Variants in RIN2 observed in about 807,000 individuals in gnomAD.
The protein encoded by RIN2 is Ras and Rab interactor 2.
A neutral mutation model predicts 78.0 loss-of-function variants in RIN2; 36 were observed. The ratio of observed to expected loss-of-function variants is 0.46; its 90% CI spans 0.35 to 0.61. RIN2 has a LOEUF of 0.61. Ranked by LOEUF, RIN2 falls within the 20% of genes least tolerant of loss-of-function variation. The probability of loss-of-function intolerance (pLI) is 0.00; values close to 1 mark genes in which losing one functional copy is unlikely to be tolerated. For missense variants in RIN2, 1,087 were observed against 1,159.7 expected (o/e 0.94, Z 0.91); for synonymous variants, 466 against 466.8 (o/e 1.00, Z 0.02).
chr20:19,945,057 G>T (rs1488794332), intron 4 of RIN2, among the ~76,000 whole-genome samples: 1 of 152,144 alleles, frequency 6.6e-6, no homozygotes, highest in Non-Finnish European at 1.5e-5. Flanking sequence ...TTCTTTTCAG[G>T]TTCTGTTTAT....
intron 2 of RIN2, among the ~76,000 whole-genome samples, chr20:19,877,552 G>A (rs2037895196): frequency 6.6e-6 from 1 of 152,192 alleles, no homozygotes; most frequent in African/African-American, 2.4e-5. Flanking sequence ...TCAGGAGAGA[G>A]TCTGACCTCT....
chr20:19,838,845 C>T (rs1194319419), intron 2 of RIN2, among the ~76,000 whole-genome samples: 1 of 152,126 alleles, frequency 6.6e-6, no homozygotes, highest in East Asian at 1.9e-4. Context: ...CTGAGGGTAC[C>T]ACCGCCTCCC....
intron 1 of RIN2, among the ~76,000 whole-genome samples, chr20:19,779,145 T>G (rs1048664839): frequency 2.6e-5 from 4 of 152,188 alleles, no homozygotes; most frequent in African/African-American, 9.7e-5. Context: ...CCATATTCCT[T>G]GCAATTCCAG....
At chr20:19,842,825 C>T (rs545214693) in intron 2 of RIN2, among the ~76,000 whole-genome samples, 19 of 151,624 alleles carry the variant, frequency 1.3e-4, no homozygotes, top group South Asian at 4.2e-4. Context: ...GTAGTGATTC[C>T]TCTGATGGAT....
chr20:19,936,785 C>CT (rs1600863826), intron 4 of RIN2, among the ~76,000 whole-genome samples: 1 of 152,164 alleles, frequency 6.6e-6, no homozygotes, highest in South Asian at 2.1e-4. Flanking sequence ...CCACAACAGC[C>CT]TTTTTTCCCA....
In RIN2 at chr20:19,855,106, G is replaced by A. The variant is rs529391910; in HGVS notation, c.-36-34460G>A. ...TTGGCATGAAGGGCTGTTGAATTTC[G>A]TCAAAGGCCTTTTCTGCATCTATTG... On this transcript the variant is annotated intron_variant, in intron 2 of 12. Transcript: ENST00000255006. 4.1e-4 allele frequency among the ~76,000 whole-genome samples: 63 copies of A among 152,214 alleles called. 1 individual carries two copies. The South Asian group carries it at 0.011, about 27-fold the overall frequency.
intron 1 of RIN2, among the ~76,000 whole-genome samples, chr20:19,761,343 C>T (rs1383209154): frequency 1.3e-5 from 2 of 152,184 alleles, no homozygotes; most frequent in Non-Finnish European, 2.9e-5. Flanking sequence ...TGCAGTTTTG[C>T]TAAACAATCA....
At position 19,791,813 on chromosome 20, in the gene RIN2, C is replaced by G. The variant is rs1350251122; in HGVS notation, c.-162-7809C>G. ...CATGCAAACTCAGCACTGGGGTTGTCTTAGTGCAACTAGCAAGGCTTTCTT... is the reference window on the plus strand; with the variant it reads ...CATGCAAACTCAGCACTGGGGTTGTGTTAGTGCAACTAGCAAGGCTTTCTT... On this transcript the variant is annotated intron_variant, in intron 1 of 12. Transcript: ENST00000255006. 2.0e-5 allele frequency among the ~76,000 whole-genome samples: 3 copies of G among 152,254 alleles called. No individual in the cohort carries two copies. In the South Asian group the frequency reaches 6.2e-4, roughly 32 times the overall value.
intron 2 of RIN2, among the ~76,000 whole-genome samples, chr20:19,825,201 T>A (rs983654937): frequency 1.3e-5 from 2 of 152,208 alleles, no homozygotes; most frequent in Non-Finnish European, 2.9e-5. Flanking sequence ...ATATGCCTTG[T>A]GCATCCCAAT....
intron 2 of RIN2, among the ~76,000 whole-genome samples, chr20:19,827,359 A>C (rs1262656063): frequency 1.3e-5 from 2 of 152,216 alleles, no homozygotes; most frequent in Non-Finnish European, 2.9e-5. Flanking sequence ...GGGAAACCCA[A>C]ACTGGACCCT....
chr20:19,783,947 C>A, intron 1 of RIN2, among the ~76,000 whole-genome samples: 1 of 152,158 alleles, frequency 6.6e-6, no homozygotes, highest in Admixed American at 6.5e-5. Context: ...TGTGTGGAGT[C>A]CAGCAGGCTG....
chr20:19,781,955 T>C (rs1478442827), intron 1 of RIN2, among the ~76,000 whole-genome samples: 2 of 152,148 alleles, frequency 1.3e-5, no homozygotes, highest in South Asian at 4.1e-4. Context: ...CCATTTCCCA[T>C]GGTAGGTTAC....
intron 3 of RIN2, among the ~76,000 whole-genome samples, chr20:19,922,152 C>G (rs1300328482): frequency 6.6e-6 from 1 of 152,128 alleles, no homozygotes; most frequent in Non-Finnish European, 1.5e-5. Flanking sequence ...AGGCGTGAGC[C>G]ACTGCTCCCC....
At chr20:19,764,917 CG>C (rs2033804355) in intron 1 of RIN2, among the ~76,000 whole-genome samples, 6 of 114,212 alleles carry the variant, frequency 5.3e-5, no homozygotes, top group South Asian at 5.9e-4. Context: ...TCACTTTCTG[CG>C]TTTTTTTTTT....
chr20:19,803,090 C>T (rs77044855), intron 2 of RIN2, among the ~76,000 whole-genome samples: 344 of 152,330 alleles, frequency 2.3e-3, no homozygotes, highest in African/African-American at 7.8e-3. Flanking sequence ...AAAAGGCCAG[C>T]ACTGCCATCT....
intron 2 of RIN2, among the ~76,000 whole-genome samples, chr20:19,845,573 GATTTT>G (rs1158080928): frequency 2.2e-5 from 1 of 44,700 alleles, no homozygotes; most frequent in Non-Finnish European, 4.3e-5. Context: ...CCTACTTTTT[GATTTT>G]TTTTTTTTTT....
intron 2 of RIN2, among the ~76,000 whole-genome samples, chr20:19,847,181 G>A (rs2036813239): frequency 6.6e-6 from 1 of 152,176 alleles, no homozygotes; most frequent in Non-Finnish European, 1.5e-5. Flanking sequence ...GATGCTCATT[G>A]ATTCCTTTTT....
chr20:19,825,174 C>T (rs574729638), intron 2 of RIN2, among the ~76,000 whole-genome samples: 6 of 152,328 alleles, frequency 3.9e-5, no homozygotes, highest in African/African-American at 1.4e-4. Flanking sequence ...TCCTCACTTC[C>T]ATACAAGACC....
chr20:19,763,604 A>C, intron 1 of RIN2, among the ~76,000 whole-genome samples: 1 of 152,212 alleles, frequency 6.6e-6, no homozygotes, highest in East Asian at 1.9e-4. Flanking sequence ...ACTAATAGTT[A>C]GGTGAAAGTT....
Sources: gnomAD v4.1 joint callset for allele counts (sites outside exome capture counted in the v4.1 genomes callset) on GRCh38, gnomAD v4.1.1 for gene constraint, MANE v1.5 for transcripts, NCBI Gene and HGNC (gene_info 2026-07-23, HGNC 2026-07-21) for gene names.